The following PVT1 variants were observed in gnomAD, a reference collection of about 807,000 sequenced individuals.
PVT1 encodes the protein CXCR4/PVT1 fusion.
intron 4 of PVT1, among the ~76,000 whole-genome samples, chr8:127,997,044 G>GTTTTTTTTTTTTTTTTTTT (rs1293036762): frequency 2.5e-5 from 2 of 81,592 alleles, no homozygotes; most frequent in Non-Finnish European, 4.5e-5. Context: ...ATTTGCTTTC[G>GTTTTTTTTTTTTTTTTTTT]TTTTTTTTTT....
At chr8:127,978,331 A>T (rs533801956) in intron 3 of PVT1, among the ~76,000 whole-genome samples, 132 of 150,290 alleles carry the variant, frequency 8.8e-4, no homozygotes, top group East Asian at 2.8e-3. Flanking sequence ...TTAAAAAAAA[A>T]TTTTTTTTTG....
chr8:127,826,560 T>C (rs546636114), intron 2 of PVT1, among the ~76,000 whole-genome samples: 1 of 152,176 alleles, frequency 6.6e-6, no homozygotes, highest in Non-Finnish European at 1.5e-5. Flanking sequence ...AGTGTCTATT[T>C]TGGAATTTCA....
chr8:127,821,865 CA>C (rs1814732926), intron 2 of PVT1, among the ~76,000 whole-genome samples: 1 of 151,986 alleles, frequency 6.6e-6, no homozygotes, highest in African/African-American at 2.4e-5. Flanking sequence ...ATTATATTTC[CA>C]CTGGGCAGTG....
intron 2 of PVT1, among the ~76,000 whole-genome samples, chr8:127,827,115 T>C (rs1245924575): frequency 6.6e-6 from 1 of 150,982 alleles, no homozygotes; most frequent in East Asian, 2.0e-4. Flanking sequence ...CCTGCCTCAG[T>C]CTCCCAAGTA....
intron 4 of PVT1, among the ~76,000 whole-genome samples, chr8:128,017,280 G>GC (rs112896987): frequency 0.016 from 2,488 of 152,266 alleles, 67 homozygotes; most frequent in African/African-American, 0.056. Flanking sequence ...ATGTCAAAGG[G>GC]TTTCTCAGTG....
intron 5 of PVT1, among the ~76,000 whole-genome samples, chr8:128,093,026 C>T (rs558300213): frequency 2.0e-5 from 3 of 152,242 alleles, no homozygotes; most frequent in African/African-American, 4.8e-5. Context: ...TTCTGACTGC[C>T]GCATCTGGAA....
rs1421204796 is a variant in PVT1 at position 128,050,030 on chromosome 8, C to T, written n.913-20130C>T. Among the ~76,000 whole-genome samples the T allele has an allele frequency of 2.0e-5, 3 of 152,034 alleles. No homozygotes were observed. The East Asian group carries it at 5.8e-4, about 30-fold the overall frequency. ...TGATCACGTGATTTGGAACTATAGC[C>T]TCCATTGGAGACACGTGCTCTGGGC... On this transcript the variant is annotated intron_variant and non_coding_transcript_variant, in intron 4 of 10. Coordinates refer to ENST00000651587, the Ensembl canonical transcript of PVT1.
Position 127,993,452 on chromosome 8 carries a change from A to C in PVT1, n.912+4161A>C, listed in dbSNP as rs563632315. Among the ~76,000 whole-genome samples the C allele has an allele frequency of 1.1e-4, 17 of 152,342 alleles. No homozygotes were observed. In the South Asian group the frequency reaches 3.3e-3, roughly 30 times the overall value. ...GTCACTATGGGTGATGATTATCATT[A>C]TGGTTTTGAGGAAAGGCTGGGCTTT... On this transcript the variant is annotated intron_variant and non_coding_transcript_variant, in intron 4 of 10. Transcript: ENST00000651587.
Position 127,813,326 on chromosome 8 carries a change from C to T in PVT1, n.372+17255C>T, listed in dbSNP as rs56814624. ...TGGGAAGACTGGGGGAGGAGAGGAG[C>T]AGTTTAATCCCAGGATCCCATGGAG... is the stretch of plus-strand genomic sequence containing the variant. On this transcript the variant is annotated intron_variant and non_coding_transcript_variant, in intron 2 of 10. Transcript: ENST00000651587. Among the ~76,000 whole-genome samples the T allele has an allele frequency of 3.2e-3, 477 of 150,188 alleles. 4 individuals are homozygous for T. The highest frequency in any genetic ancestry group is 0.011 in the African/African-American group (456 of 40,986).
At chr8:127,964,857 TACCA>T (rs1259422461) in intron 3 of PVT1, among the ~76,000 whole-genome samples, 4 of 152,182 alleles carry the variant, frequency 2.6e-5, no homozygotes, top group Non-Finnish European at 5.9e-5. Context: ...AATGGGGTTT[TACCA>T]TGTTCCCCTT....
intron 2 of PVT1, among the ~76,000 whole-genome samples, chr8:127,869,586 C>T (rs972802746): frequency 6.6e-6 from 1 of 152,204 alleles, no homozygotes; most frequent in Non-Finnish European, 1.5e-5. Context: ...CCATTAGGCT[C>T]TTTCCCTCCT....
chr8:127,809,924 C>A (rs1814573694), intron 2 of PVT1, among the ~76,000 whole-genome samples: 1 of 152,216 alleles, frequency 6.6e-6, no homozygotes, highest in African/African-American at 2.4e-5. Flanking sequence ...TTTCACAAAA[C>A]AAAAGAGTTC....
chr8:127,880,399 C>T (rs985368843), intron 2 of PVT1, among the ~76,000 whole-genome samples: 1 of 150,142 alleles, frequency 6.7e-6, no homozygotes, highest in African/African-American at 2.5e-5. Flanking sequence ...ACGCCATTCT[C>T]CTGCCTCAGC....
chr8:128,003,376 C>T (rs1390142393), intron 4 of PVT1, among the ~76,000 whole-genome samples: 1 of 149,458 alleles, frequency 6.7e-6, no homozygotes, highest in Non-Finnish European at 1.5e-5. Flanking sequence ...TTTTCTTCTT[C>T]TCTTTGTTGT....
At chr8:127,863,076 A>AGTTT (rs1399794364) in intron 2 of PVT1, among the ~76,000 whole-genome samples, 8 of 136,132 alleles carry the variant, frequency 5.9e-5, no homozygotes, top group Admixed American at 1.5e-4. Flanking sequence ...GGCAGTTGCT[A>AGTTT]GTTTTATTTA....
chr8:127,887,232 A>G (rs1003061481), intron 2 of PVT1, among the ~76,000 whole-genome samples: 4 of 152,172 alleles, frequency 2.6e-5, no homozygotes, highest in Admixed American at 2.0e-4. Flanking sequence ...GTGCAGCAAC[A>G]CCATCTGAGT....
intron 4 of PVT1, among the ~76,000 whole-genome samples, chr8:128,002,800 A>G (rs1164109043): frequency 6.6e-6 from 1 of 152,260 alleles, no homozygotes; most frequent in Non-Finnish European, 1.5e-5. Flanking sequence ...TTAGGACTTC[A>G]ACATAACACT....
At chr8:127,798,985 T>C (rs1321405592) in intron 2 of PVT1, among the ~76,000 whole-genome samples, 1 of 152,122 alleles carries the variant, frequency 6.6e-6, no homozygotes, top group East Asian at 1.9e-4. Flanking sequence ...CAGGATTTAA[T>C]TAAAAACAAA....
intron 3 of PVT1, among the ~76,000 whole-genome samples, chr8:127,974,653 T>C (rs1816803130): frequency 6.6e-6 from 1 of 152,134 alleles, no homozygotes; most frequent in Admixed American, 6.5e-5. Context: ...TGACCTCAAA[T>C]GATCCACCTG....
Sources: allele counts gnomAD v4.1 joint callset (sites outside exome capture counted in the v4.1 genomes callset), GRCh38; gene constraint gnomAD v4.1.1; transcripts MANE v1.5; gene names NCBI Gene and HGNC (gene_info 2026-07-23, HGNC 2026-07-21).